Variants in MED12L observed in about 807,000 individuals in gnomAD.
MED12L encodes mediator of RNA polymerase II transcription subunit 12-like protein.
MED12L carries 60 observed loss-of-function variants against 281.3 expected under a neutral mutation model. The observed-to-expected ratio is 0.21, with a 90% CI of 0.17 to 0.26. MED12L has a LOEUF of 0.26. Among genes scored for constraint, MED12L ranks in the 10% least tolerant of loss-of-function variants. The pLI is 1.00. For missense variants in MED12L, 2,146 were observed against 2,680.9 expected (o/e 0.80, Z 4.41); for synonymous variants, 974 against 987.2 (o/e 0.99, Z 0.25).
In MED12L at chr3:151,435,009, A is replaced by ATTACT. The variant is rs894900328; in HGVS notation, c.*2209_*2213dup. 1.3e-5 allele frequency: 2 copies of ATTACT among 150,910 alleles called. No individual in the cohort carries two copies. Among genetic ancestry groups the ATTACT allele is most frequent in the Non-Finnish European group, 2.9e-5 (2 of 67,818 alleles). 9.3% of individuals were successfully genotyped at this position (150,910 alleles called of 1,614,324 possible). On this transcript the variant is annotated 3_prime_UTR_variant, in exon 45 of 45. Coordinates refer to ENST00000687756, the MANE Select transcript of MED12L (RefSeq NM_001393769.1). ...GCGCATTATAAAGAAAATAACTAGAATTACTTTAGTCTTCAGATTTTCTCC... is the reference window on the plus strand; with the variant it reads ...GCGCATTATAAAGAAAATAACTAGAATTACTTTACTTTAGTCTTCAGATTTTCTCC...
intron 16 of MED12L, among the ~76,000 whole-genome samples, chr3:151,216,165 A>G (rs139588304): frequency 2.0e-5 from 3 of 152,314 alleles, no homozygotes; most frequent in South Asian, 2.1e-4. Context: ...AATTCTTTGC[A>G]TAATATTTAG....
chr3:151,211,551 C>T (rs1270886671), intron 16 of MED12L, among the ~76,000 whole-genome samples: 4 of 151,904 alleles, frequency 2.6e-5, no homozygotes. Flanking sequence ...AAAGTAGATA[C>T]TGAGGGAAAA....
intron 16 of MED12L, among the ~76,000 whole-genome samples, chr3:151,307,882 C>A (rs993140729): frequency 3.8e-4 from 58 of 152,068 alleles, no homozygotes; most frequent in African/African-American, 1.2e-3. Flanking sequence ...GACTGAGATT[C>A]CCTGACCAGT....
At chr3:151,328,996 T>G (rs1466243562) in intron 16 of MED12L, 3 of 1,593,002 alleles carry the variant, frequency 1.9e-6, no homozygotes, top group Non-Finnish European at 2.6e-6. Flanking sequence ...TGTTCATTGC[T>G]TCCAGTGTCA....
intron 16 of MED12L, among the ~76,000 whole-genome samples, chr3:151,246,157 G>T (rs1472484647): frequency 2.0e-5 from 3 of 152,160 alleles, no homozygotes; most frequent in African/African-American, 7.2e-5. Flanking sequence ...CATGCTCATG[G>T]GTAGGAAGAA....
Position 151,432,623 on chromosome 3 carries a change from A to G in MED12L, c.6491-129A>G, listed in dbSNP as rs1719661844. On this transcript the variant is annotated intron_variant, in intron 44 of 44. Transcript: ENST00000687756. Reference sequence around the variant, plus strand: ...ACCACAAGGGTTTTTCAGGGCAAGGATAGTACTCTCCGGCCATTCTGTTTC... The same window carrying G: ...ACCACAAGGGTTTTTCAGGGCAAGGGTAGTACTCTCCGGCCATTCTGTTTC... 4 of 682,760 alleles carry G rather than the reference A, an allele frequency of 5.9e-6. No individual in the cohort carries two copies. In the Admixed American group the frequency reaches 7.1e-5, roughly 12 times the overall value. 42.3% of individuals were successfully genotyped at this position (682,760 alleles called of 1,614,324 possible). A position where few individuals can be genotyped will look rare whatever the true frequency, so the allele number is the denominator to read the frequency against.
intron 16 of MED12L, among the ~76,000 whole-genome samples, chr3:151,343,774 A>G (rs948651267): frequency 6.6e-6 from 1 of 151,986 alleles, no homozygotes; most frequent in Admixed American, 6.6e-5. Context: ...TTATTTTACC[A>G]AGTCTACTAA....
At chr3:151,197,408 AC>A (rs1266800275) in intron 16 of MED12L, among the ~76,000 whole-genome samples, 1 of 152,040 alleles carries the variant, frequency 6.6e-6, no homozygotes, top group Admixed American at 6.6e-5. Flanking sequence ...AGATCTGCCC[AC>A]CTCAGCCTCC....
At chr3:151,211,936 A>T (rs527782773) in intron 16 of MED12L, among the ~76,000 whole-genome samples, 29 of 152,332 alleles carry the variant, frequency 1.9e-4, no homozygotes, top group African/African-American at 6.7e-4. Context: ...GTGAGCCACC[A>T]TGCCCTATCT....
rs1553770058 is a variant in MED12L, at chr3:151,291,161, T to TTG, written c.2251-58897_2251-58896insGT. On this transcript the variant is annotated intron_variant, in intron 16 of 44. Coordinates refer to ENST00000687756, the MANE Select transcript of MED12L (RefSeq NM_001393769.1). The stretch of plus-strand genomic sequence containing the variant: ...TGTCCTTGTTTTCTGTTTTTTTTTT[T>TTG]TTTTGTTTTTATTTGTTTTTTTCTA... Among the ~76,000 whole-genome samples, 731 of 148,824 alleles carry TTG rather than the reference T, an allele frequency of 4.9e-3. 4 individuals are homozygous for TTG. The highest frequency in any genetic ancestry group is 7.6e-3 in the African/African-American group (308 of 40,770).
At chr3:151,269,555 C>T (rs1414519287) in intron 16 of MED12L, 1 of 300,322 alleles carries the variant, frequency 3.3e-6, no homozygotes, top group African/African-American at 2.3e-5. Flanking sequence ...GCCCAAATTT[C>T]AAATTTTTGG....
chr3:151,363,739 T>G (rs937812193), intron 21 of MED12L, among the ~76,000 whole-genome samples: 1 of 152,142 alleles, frequency 6.6e-6, no homozygotes, highest in Admixed American at 6.5e-5. Flanking sequence ...GGCACTTGAT[T>G]TATGTGGGAG....
chr3:151,285,397 A>C (rs766619462), intron 16 of MED12L, among the ~76,000 whole-genome samples: 4 of 152,106 alleles, frequency 2.6e-5, no homozygotes, highest in Non-Finnish European at 4.4e-5. Flanking sequence ...AGGCAGGACG[A>C]GAATGGCGTG....
intron 5 of MED12L, among the ~76,000 whole-genome samples, chr3:151,148,699 A>G (rs1718065037): frequency 6.6e-6 from 1 of 152,236 alleles, no homozygotes. Flanking sequence ...GAGTTTTAAA[A>G]AAAACAATCT....
intron 5 of MED12L, among the ~76,000 whole-genome samples, chr3:151,153,699 G>C (rs1718889792): frequency 6.6e-6 from 1 of 150,768 alleles, no homozygotes. Flanking sequence ...CTCCTGAGTA[G>C]CTGGGATTAA....
chr3:151,086,920 A>T lies in MED12L; in HGVS notation c.-7A>T. ...CTCATTCATTTCGCCGGTTAACATG[A>T]GAGATCATGGCCGCCTTCGGGCTTC... On this transcript the variant is annotated 5_prime_UTR_variant, in exon 2 of 45. The change creates a premature stop within an existing upstream ORF in the 5' untranslated region. Transcript: ENST00000687756. 1 of 1,584,374 alleles carries T rather than the reference A, an allele frequency of 6.3e-7. No individual in the cohort carries two copies. Among genetic ancestry groups the T allele is most frequent in the South Asian group, 1.1e-5 (1 of 87,308 alleles).
Position 151,390,078 on chromosome 3 carries a change from C to T in MED12L, c.5551C>T (p.Leu1851Phe). The change falls in exon 38 of 45, where the codon CTC becomes TTC. Residue 1851 changes from leucine to phenylalanine, a missense_variant. By Grantham distance (22) the Leu-to-Phe change is conservative. Coordinates refer to ENST00000687756, the MANE Select transcript of MED12L (RefSeq NM_001393769.1). ...ACAGTCCACCTTGTGGGGTTACAAC[C>T]TCGTGGGCCAGCCCCAGCAGCCCGG... ...HPQSTLWGYN[L>F]VGQPQQPGFF... 6.2e-7 allele frequency: 1 copy of T among 1,614,142 alleles called. No individual in the cohort carries two copies. Among genetic ancestry groups the T allele is most frequent in the Non-Finnish European group, 8.5e-7 (1 of 1,179,982 alleles).
chr3:151,272,536 T>C (rs537078803), intron 16 of MED12L, among the ~76,000 whole-genome samples: 6 of 152,354 alleles, frequency 3.9e-5, no homozygotes, highest in Admixed American at 1.3e-4. Flanking sequence ...AAGCACCATT[T>C]AATTTTTCCT....
chr3:151,416,295 T>G lies in MED12L; in HGVS notation c.6298-17T>G, dbSNP rs774746942. On this transcript the variant is annotated splice_polypyrimidine_tract_variant and intron_variant, in intron 42 of 44. Transcript: ENST00000687756. ...CTTCTTCCTTTTAAGTGTATAACAT[T>G]TTTACCCTCTTTCCAGATGCAGCAG... 4 of 1,612,690 alleles carry G rather than the reference T, an allele frequency of 2.5e-6. No homozygotes were observed. The highest frequency in any genetic ancestry group is 3.4e-6 in the Non-Finnish European group (4 of 1,179,960).
Sources: allele counts gnomAD v4.1 joint callset (sites outside exome capture counted in the v4.1 genomes callset), GRCh38; gene constraint gnomAD v4.1.1; transcripts MANE v1.5; gene names NCBI Gene and HGNC (gene_info 2026-07-23, HGNC 2026-07-21).